Variants in ACO2 observed in about 807,000 individuals in gnomAD.
The protein encoded by ACO2 is aconitase 2, also known as aconitate hydratase, mitochondrial.
A neutral mutation model predicts 84.5 loss-of-function variants in ACO2; 31 were observed. The ratio of observed to expected loss-of-function variants is 0.37; its 90% CI spans 0.28 to 0.50. The LOEUF (loss-of-function observed/expected upper bound fraction) is 0.50. ACO2 is among the 20% of genes least tolerant of loss of function. The probability of loss-of-function intolerance (pLI) is 0.97; values close to 1 mark genes in which losing one functional copy is unlikely to be tolerated. For missense variants in ACO2, 685 were observed against 1,029.3 expected, an observed-to-expected ratio of 0.67 and a Z score of 4.58; for synonymous variants, 414 against 412.7, an observed-to-expected ratio of 1.00 and a Z score of -0.04.
At chr22:41,522,458 C>T (rs2066534459) in intron 9 of ACO2, among the ~76,000 whole-genome samples, 1 of 152,182 alleles carries the variant, frequency 6.6e-6, no homozygotes, top group African/African-American at 2.4e-5. Context: ...CCAGAAAATA[C>T]TAGAAAGTAT....
chr22:41,496,942 T>C (rs1485233291), intron 1 of ACO2, among the ~76,000 whole-genome samples: 1 of 152,126 alleles, frequency 6.6e-6, no homozygotes, highest in Non-Finnish European at 1.5e-5. Flanking sequence ...GGATTATATA[T>C]CCAGGTGACA....
chr22:41,523,606 C>A (rs923035042), intron 11 of ACO2, among the ~76,000 whole-genome samples: 3 of 152,196 alleles, frequency 2.0e-5, no homozygotes, highest in African/African-American at 7.2e-5. Flanking sequence ...TGACCAAGGC[C>A]TTGCCTCTGG....
chr22:41,495,660 G>T (rs190831652), intron 1 of ACO2, among the ~76,000 whole-genome samples: 250 of 147,588 alleles, frequency 1.7e-3, no homozygotes, highest in African/African-American at 6.1e-3. Context: ...TTGCTCTGTC[G>T]TCCAGGCTGG....
At chr22:41,484,871 CTTTTTT>C (rs1231320140) in intron 1 of ACO2, among the ~76,000 whole-genome samples, 1 of 118,984 alleles carries the variant, frequency 8.4e-6, no homozygotes, top group Non-Finnish European at 1.8e-5. Context: ...GGAGTCAGCT[CTTTTTT>C]TTTTTTTTTT....
chr22:41,493,578 T>C (rs949196311), intron 1 of ACO2, among the ~76,000 whole-genome samples: 6 of 152,130 alleles, frequency 3.9e-5, no homozygotes, highest in African/African-American at 1.2e-4. Context: ...TGAGAATGAG[T>C]GTTTCATCCT....
At chr22:41,507,699 T>C (rs2066403811) in intron 2 of ACO2, 92 bp from the exon 3 acceptor site, 1 of 1,520,528 alleles carries the variant, frequency 6.6e-7, no homozygotes, top group Non-Finnish European at 8.9e-7. Context: ...CTGGCCACTG[T>C]TGAGGTTGCC....
Position 41,524,041 on chromosome 22 carries a change from G to C in ACO2, c.1482+100G>C, listed in dbSNP as rs578087586. 2.9e-6 allele frequency: 3 copies of C among 1,035,832 alleles called. No individual in the cohort carries two copies. In the African/African-American group the frequency reaches 4.8e-5, roughly 16 times the overall value. The allele number at this position is 1,035,832 out of a possible 1,614,324, so 64.2% of individuals were successfully genotyped here. On this transcript the variant is annotated intron_variant, in intron 12 of 17. Transcript: ENST00000216254. ...GGAGATGGGGACTGGGGTCATCCAA[G>C]TGGTAGCCAGGAGCTACAGGCCTTC...
At chr22:41,469,529 G>A (rs1165627770) in intron 1 of ACO2, 1 of 277,506 alleles carries the variant, frequency 3.6e-6, no homozygotes, top group South Asian at 8.7e-5. Context: ...GGTGACTAGG[G>A]GGCGCGGTCG....
chr22:41,515,284 T>C lies in ACO2; in HGVS notation c.526-93T>C. On this transcript the variant is annotated intron_variant, in intron 4 of 17. Transcript: ENST00000216254. The surrounding 1 kb of genome is among the most constrained non-coding windows in gnomAD (Gnocchi z 5.8). ...ACCAGTTCCATCCTGGGAGAGTGGC[T>C]GGACGTGGTTGGGAGGCCCCGGGTC... 1 of 1,451,974 alleles carries C rather than the reference T, an allele frequency of 6.9e-7. No homozygotes were observed. Among genetic ancestry groups the C allele is most frequent in the Non-Finnish European group, 9.6e-7 (1 of 1,038,044 alleles). 89.9% of individuals were successfully genotyped at this position (1,451,974 alleles called of 1,614,324 possible).
At chr22:41,476,276 G>A (rs1318514813) in intron 1 of ACO2, among the ~76,000 whole-genome samples, 3 of 151,614 alleles carry the variant, frequency 2.0e-5, no homozygotes, top group Non-Finnish European at 2.9e-5. Flanking sequence ...GTGTGGTGGC[G>A]CATGCCTGTA....
At chr22:41,470,449 TC>T (rs1224920327) in intron 1 of ACO2, among the ~76,000 whole-genome samples, 27 of 151,466 alleles carry the variant, frequency 1.8e-4, no homozygotes, top group African/African-American at 5.8e-4. Context: ...AGTAAAATCA[TC>T]ATTTATCTGA....
intron 1 of ACO2, among the ~76,000 whole-genome samples, chr22:41,486,412 G>A (rs1004412008): frequency 2.6e-5 from 4 of 151,428 alleles, no homozygotes; most frequent in African/African-American, 7.3e-5. Flanking sequence ...TCCTGCCTCA[G>A]CCTCCCAAGT....
rs1312981177 is a variant in ACO2, at chr22:41,507,896, G to T, written c.279G>T (p.Pro93=). ...ERGKSYLRLR[P]DRVAMQDATA... ...GCAAGTCGTACCTGCGGCTGCGGCC[G>T]GACCGTGTGGCCATGCAGGATGCGA... The change falls in exon 3 of 18, where the codon CCG becomes CCT. Residue 93 remains proline, a synonymous_variant. Transcript: ENST00000216254. The T allele has an allele frequency of 6.2e-7, 1 of 1,614,198 alleles. No homozygotes were observed. The highest frequency in any genetic ancestry group is 1.7e-5 in the Admixed American group (1 of 60,024).
chr22:41,524,974 C>T lies in ACO2; in HGVS notation c.1605+6C>T, dbSNP rs375306908. On this transcript the variant is annotated splice_donor_region_variant and intron_variant, in intron 13 of 17. Transcript: ENST00000216254. ...CAGATGAGCTTCCCAAAGGGGTGAG[C>T]GCCCACGCCCCCTGCTTGCTGGTTG... is the stretch of plus-strand genomic sequence containing the variant. 7.4e-5 allele frequency: 120 copies of T among 1,614,034 alleles called. No homozygotes were observed. The highest frequency in any genetic ancestry group is 9.6e-5 in the Non-Finnish European group (113 of 1,180,048).
At chr22:41,496,526 A>G (rs567932433) in intron 1 of ACO2, among the ~76,000 whole-genome samples, 2 of 152,300 alleles carry the variant, frequency 1.3e-5, no homozygotes, top group South Asian at 4.1e-4. Context: ...GTCCAGGATC[A>G]GTAAGTTGTG....
At chr22:41,472,567 A>G (rs990501426) in intron 1 of ACO2, among the ~76,000 whole-genome samples, 2 of 152,100 alleles carry the variant, frequency 1.3e-5, no homozygotes, top group African/African-American at 4.8e-5. Context: ...ACCTGCTACC[A>G]GGTAGTAAGA....
At chr22:41,498,102 C>G (rs953476174) in intron 1 of ACO2, among the ~76,000 whole-genome samples, 9 of 152,058 alleles carry the variant, frequency 5.9e-5, no homozygotes, top group African/African-American at 2.2e-4. Context: ...TGAGATCGCT[C>G]CACTGCATTC....
chr22:41,476,248 A>G (rs1246520049), intron 1 of ACO2, among the ~76,000 whole-genome samples: 1 of 151,012 alleles, frequency 6.6e-6, no homozygotes, highest in Non-Finnish European at 1.5e-5. Flanking sequence ...TCTGTACTTA[A>G]AATACAAAAT....
At chr22:41,476,227 G>A (rs2037339173) in intron 1 of ACO2, among the ~76,000 whole-genome samples, 2 of 151,684 alleles carry the variant, frequency 1.3e-5, no homozygotes, top group African/African-American at 4.8e-5. Flanking sequence ...GACCAACATG[G>A]TGAAACCCCG....
Sources: allele counts gnomAD v4.1 joint callset (sites outside exome capture counted in the v4.1 genomes callset), GRCh38; gene constraint gnomAD v4.1.1; non-coding constraint Gnocchi (gnomAD v3.1); transcripts MANE v1.5; gene names NCBI Gene and HGNC (gene_info 2026-07-23, HGNC 2026-07-21).